SFSWAP: variants seen among roughly 807,000 people sequenced by gnomAD.
SFSWAP encodes splicing factor, suppressor of white-apricot homolog.
A neutral mutation model predicts 100.7 loss-of-function variants in SFSWAP; 17 were observed. The observed-to-expected ratio is 0.17, with a 90% CI of 0.12 to 0.25. The LOEUF (loss-of-function observed/expected upper bound fraction) is 0.25. Ranked by LOEUF, SFSWAP falls within the 10% of genes least tolerant of loss-of-function variation. The pLI is 1.00. For synonymous variants in SFSWAP, 504 were observed against 510.1 expected (o/e 0.99, Z 0.16); for missense variants, 1,005 against 1,262.6 (o/e 0.80, Z 3.09).
chr12:131,782,618 T>C (rs1884582925), intron 14 of SFSWAP, among the ~76,000 whole-genome samples: 1 of 152,204 alleles, frequency 6.6e-6, no homozygotes, highest in South Asian at 2.1e-4. Flanking sequence ...ACATGGAATG[T>C]ATTTTGTTTT....
intron 13 of SFSWAP, among the ~76,000 whole-genome samples, chr12:131,776,317 C>G (rs1374542652): frequency 6.6e-6 from 1 of 152,164 alleles, no homozygotes; most frequent in Non-Finnish European, 1.5e-5. Context: ...TCCCTGCCCT[C>G]TTGCCCGCCG....
chr12:131,736,922 G>A (rs968782981), intron 7 of SFSWAP, among the ~76,000 whole-genome samples: 2 of 151,116 alleles, frequency 1.3e-5, no homozygotes, highest in Non-Finnish European at 3.0e-5. Flanking sequence ...CCAGCGATGT[G>A]GTACTTGTGG....
intron 11 of SFSWAP, among the ~76,000 whole-genome samples, chr12:131,759,745 T>C (rs1235905521): frequency 1.3e-5 from 2 of 149,634 alleles, no homozygotes; most frequent in African/African-American, 4.9e-5. Context: ...GAGCTTGCAG[T>C]GAACCGAGAC....
At chr12:131,732,157 A>G (rs1421155799) in intron 7 of SFSWAP, among the ~76,000 whole-genome samples, 1 of 151,748 alleles carries the variant, frequency 6.6e-6, no homozygotes, top group Non-Finnish European at 1.5e-5. Context: ...TGATCCGCCC[A>G]CCTCAGCCTC....
At chr12:131,793,030 A>C (rs1278303321) in intron 15 of SFSWAP, among the ~76,000 whole-genome samples, 1 of 152,236 alleles carries the variant, frequency 6.6e-6, no homozygotes, top group Non-Finnish European at 1.5e-5. Flanking sequence ...TTCCATACCC[A>C]AAGGGCAGGG....
chr12:131,716,229 G>T (rs1877901248), intron 3 of SFSWAP, among the ~76,000 whole-genome samples: 1 of 152,138 alleles, frequency 6.6e-6, no homozygotes, highest in Non-Finnish European at 1.5e-5. Context: ...AATTACTGTT[G>T]CACAGCTCTA....
At chr12:131,766,346 GTGATACATAGAGGCAGGGAGGA>G in intron 13 of SFSWAP, 38 bp downstream of exon 13, 1 of 1,580,280 alleles carries the variant, frequency 6.3e-7, no homozygotes, top group Non-Finnish European at 8.7e-7. Context: ...GCGGGGCTGT[GTGATACATAGAGGCAGGGAGGA>G]TGTGTCTCCC....
intron 14 of SFSWAP, chr12:131,785,210 A>C: frequency 6.5e-7 from 1 of 1,535,462 alleles, no homozygotes; most frequent in South Asian, 1.2e-5. Context: ...TTTGAGGGAA[A>C]ACCTGGTAAA....
In SFSWAP at chr12:131,725,039, C is replaced by T. The variant is rs1445302358; in HGVS notation, c.607-366C>T. 6.6e-6 allele frequency among the ~76,000 whole-genome samples: 1 copy of T among 152,188 alleles called. No individual in the cohort carries two copies. Among genetic ancestry groups the T allele is most frequent in the African/African-American group, 2.4e-5 (1 of 41,450 alleles). ...TATTGAGAACCATGGAATGTATACC[C>T]TCTCCCTAGAAAAGTGCTTGTTTGT... On this transcript the variant is annotated intron_variant, in intron 4 of 17. Coordinates refer to ENST00000261674, the MANE Select transcript of SFSWAP (RefSeq NM_004592.4). This position sits in a 1 kb window ranked among gnomAD's most constrained non-coding sequence, Gnocchi z 4.3.
Position 131,764,581 on chromosome 12 carries a change from A to C in SFSWAP, c.1846A>C (p.Ser616Arg). ...DDEESKEGQESSSSAANTNPA... is the reference protein window; with the variant it reads ...DDEESKEGQERSSSAANTNPA... The stretch of plus-strand genomic sequence containing the variant: ...TGAAGAAAGCAAAGAAGGCCAAGAA[A>C]GTTCTAGTAGTGCTGCAAACACTAA... The change falls in exon 12 of 18, where the codon AGT (serine) becomes CGT (arginine). Residue 616 changes from serine to arginine, a missense_variant. Transcript: ENST00000261674. The C allele has an allele frequency of 6.2e-7, 1 of 1,614,246 alleles. No homozygotes were observed. Among genetic ancestry groups the C allele is most frequent in the Non-Finnish European group, 8.5e-7 (1 of 1,180,034 alleles).
At chr12:131,756,203 A>G (rs1385653397) in intron 10 of SFSWAP, among the ~76,000 whole-genome samples, 1 of 152,252 alleles carries the variant, frequency 6.6e-6, no homozygotes, top group African/African-American at 2.4e-5. Flanking sequence ...GTCCAAAGAA[A>G]AGATACTGAA....
chr12:131,769,266 C>G (rs777119414), intron 13 of SFSWAP, among the ~76,000 whole-genome samples: 1 of 152,166 alleles, frequency 6.6e-6, no homozygotes, highest in Non-Finnish European at 1.5e-5. Context: ...ATATCCACTT[C>G]TGTGGTTACA....
At chr12:131,720,967 G>A (rs1878419873) in intron 4 of SFSWAP, among the ~76,000 whole-genome samples, 1 of 152,208 alleles carries the variant, frequency 6.6e-6, no homozygotes. Context: ...TCTGCAGGCT[G>A]TACAGGAAGC....
At chr12:131,742,414 G>A (rs571657820) in intron 7 of SFSWAP, among the ~76,000 whole-genome samples, 191 of 152,278 alleles carry the variant, frequency 1.3e-3, no homozygotes, top group Non-Finnish European at 1.4e-3. Context: ...TTTAGAGACA[G>A]GCTTTTTTTT....
chr12:131,721,559 G>A (rs1878479621), intron 4 of SFSWAP, among the ~76,000 whole-genome samples: 1 of 152,118 alleles, frequency 6.6e-6, no homozygotes, highest in African/African-American at 2.4e-5. Flanking sequence ...TTTATATGAA[G>A]TTGACTATAT....
intron 15 of SFSWAP, 88 bp from the exon 16 acceptor site, chr12:131,797,090 C>A (rs1885731080): frequency 8.0e-7 from 1 of 1,253,134 alleles, no homozygotes; most frequent in Non-Finnish European, 1.1e-6. Context: ...GAACTCTTAG[C>A]CAAAAACTGG....
intron 16 of SFSWAP, 64 bp from the exon 17 acceptor site, chr12:131,798,973 T>C (rs1290876844): frequency 3.3e-6 from 4 of 1,210,580 alleles, no homozygotes; most frequent in Non-Finnish European, 4.9e-6. Context: ...GGGATGCTGT[T>C]CACTGGCCTT....
intron 7 of SFSWAP, among the ~76,000 whole-genome samples, chr12:131,736,045 A>G (rs918690891): frequency 4.6e-5 from 7 of 152,236 alleles, no homozygotes; most frequent in Non-Finnish European, 1.0e-4. Flanking sequence ...GCACCAGCCA[A>G]CACAGCAAGA....
chr12:131,711,763 G>A lies in SFSWAP; in HGVS notation c.218+316G>A. ...ATTCCGCGCGGTGAAAGCAGCCAGT[G>A]CCCAGGGTCTTTTCCTGAGTGCACC... On this transcript the variant is annotated intron_variant, in intron 1 of 17. Transcript: ENST00000261674. This position sits in a 1 kb window ranked among gnomAD's most constrained non-coding sequence, Gnocchi z 4.9. 1 of 348,406 alleles carries A rather than the reference G, an allele frequency of 2.9e-6. No individual in the cohort carries two copies. Among genetic ancestry groups the A allele is most frequent in the Non-Finnish European group, 5.4e-6 (1 of 184,994 alleles). 21.6% of individuals were successfully genotyped at this position (348,406 alleles called of 1,614,324 possible).
Sources: allele counts gnomAD v4.1 joint callset (sites outside exome capture counted in the v4.1 genomes callset), GRCh38; gene constraint gnomAD v4.1.1; non-coding constraint Gnocchi (gnomAD v3.1); transcripts MANE v1.5; gene names NCBI Gene and HGNC (gene_info 2026-07-23, HGNC 2026-07-21).